Variants in FSTL5 observed in about 807,000 individuals in gnomAD.
FSTL5 encodes the protein follistatin like 5, also known as follistatin-related protein 5.
A neutral mutation model predicts 89.1 loss-of-function variants in FSTL5; 62 were observed. The ratio of observed to expected loss-of-function variants is 0.70; its 90% CI spans 0.57 to 0.86. FSTL5 has a LOEUF of 0.86. Among genes scored for constraint, FSTL5 ranks in the 40% least tolerant of loss-of-function variants. The pLI is 0.00. For missense variants in FSTL5, 1,057 were observed against 1,001.6 expected (o/e 1.06, Z -0.75); for synonymous variants, 383 against 346.2 (o/e 1.11, Z -1.18).
At chr4:161,991,490 T>A (rs1736110858) in intron 3 of FSTL5, among the ~76,000 whole-genome samples, 1 of 152,116 alleles carries the variant, frequency 6.6e-6, no homozygotes, top group Non-Finnish European at 1.5e-5. Flanking sequence ...CATTTGAAAA[T>A]GTGCATTAAA....
At chr4:161,672,693 T>G (rs1737157085) in intron 6 of FSTL5, among the ~76,000 whole-genome samples, 1 of 150,454 alleles carries the variant, frequency 6.6e-6, no homozygotes, top group African/African-American at 2.5e-5. Context: ...TCTCTCGATT[T>G]TATCTAAGAA....
At chr4:161,934,821 T>C (rs1322445604) in intron 3 of FSTL5, among the ~76,000 whole-genome samples, 1 of 152,084 alleles carries the variant, frequency 6.6e-6, no homozygotes, top group Admixed American at 6.6e-5. Context: ...TTAACATCAA[T>C]ATCATGCCCC....
chr4:161,605,447 T>C (rs1734405976), intron 7 of FSTL5, among the ~76,000 whole-genome samples: 1 of 152,166 alleles, frequency 6.6e-6, no homozygotes, highest in Admixed American at 6.6e-5. Flanking sequence ...GAAGAGTATA[T>C]CTATTGTGGA....
At chr4:162,136,827 A>G (rs1332670215) in intron 1 of FSTL5, among the ~76,000 whole-genome samples, 1 of 152,040 alleles carries the variant, frequency 6.6e-6, no homozygotes, top group Non-Finnish European at 1.5e-5. Flanking sequence ...AAAAATCCTG[A>G]AACATTTCTC....
chr4:161,396,286 A>C (rs1730995948), intron 15 of FSTL5, among the ~76,000 whole-genome samples: 1 of 152,090 alleles, frequency 6.6e-6, no homozygotes, highest in East Asian at 1.9e-4. Context: ...ATTATAAAGC[A>C]GTAGACTAAA....
chr4:161,734,934 C>A (rs749582584), intron 6 of FSTL5, among the ~76,000 whole-genome samples: 2 of 152,044 alleles, frequency 1.3e-5, no homozygotes, highest in Non-Finnish European at 2.9e-5. Context: ...ACTCTGTGAA[C>A]CCCAGCCAGG....
At chr4:161,670,980 T>C (rs531873112) in intron 6 of FSTL5, among the ~76,000 whole-genome samples, 5 of 152,314 alleles carry the variant, frequency 3.3e-5, no homozygotes, top group African/African-American at 4.8e-5. Flanking sequence ...TTCTTTCTAA[T>C]GCACAGGTCA....
At chr4:162,020,672 T>A (rs1737051238) in intron 3 of FSTL5, among the ~76,000 whole-genome samples, 1 of 152,012 alleles carries the variant, frequency 6.6e-6, no homozygotes, top group African/African-American at 2.4e-5. Flanking sequence ...GTTCATCACA[T>A]GGCATAATTA....
intron 2 of FSTL5, among the ~76,000 whole-genome samples, chr4:162,072,197 T>G (rs932659315): frequency 6.6e-6 from 1 of 151,796 alleles, no homozygotes; most frequent in Non-Finnish European, 1.5e-5. Flanking sequence ...ATGTACAAAA[T>G]AATACACAGT....
At position 161,707,976 on chromosome 4, in the gene FSTL5, T is replaced by C. The variant is rs570296466; in HGVS notation, c.727+51435A>G. ...CCACATTTTATAAAGGCATTGCTTATCAGTTATAGACATTGAATGACTGCC... is the reference window on the plus strand; with the variant it reads ...CCACATTTTATAAAGGCATTGCTTACCAGTTATAGACATTGAATGACTGCC... On this transcript the variant is annotated intron_variant, in intron 6 of 15. Coordinates refer to ENST00000306100, the MANE Select transcript of FSTL5 (RefSeq NM_020116.5). 2.0e-5 allele frequency among the ~76,000 whole-genome samples: 3 copies of C among 151,730 alleles called. 1 individual carries two copies. The highest frequency in any genetic ancestry group is 7.3e-5 in the African/African-American group (3 of 41,194).
chr4:162,128,536 G>A (rs1732172698), intron 1 of FSTL5, among the ~76,000 whole-genome samples: 1 of 152,084 alleles, frequency 6.6e-6, no homozygotes, highest in Non-Finnish European at 1.5e-5. Context: ...CCAGACAACA[G>A]ATCTGCATTA....
intron 6 of FSTL5, among the ~76,000 whole-genome samples, chr4:161,747,977 T>C (rs1216797575): frequency 6.6e-6 from 1 of 152,122 alleles, no homozygotes. Flanking sequence ...TAGATGGTGC[T>C]AACACTATAT....
chr4:161,917,207 C>T lies in FSTL5; in HGVS notation c.409+3197G>A, dbSNP rs555469741. ...TCCTGGCCTCGTGATCCACCCGCCT[C>T]GGCCTCCCAAAGTCCTGGGATTGCA... On this transcript the variant is annotated intron_variant, in intron 4 of 15. Transcript: ENST00000306100. Among the ~76,000 whole-genome samples the T allele has an allele frequency of 1.1e-4, 17 of 152,240 alleles. No individual in the cohort carries two copies. In the South Asian group the frequency reaches 3.5e-3, roughly 32 times the overall value.
intron 4 of FSTL5, among the ~76,000 whole-genome samples, chr4:161,830,803 A>C (rs2126860819): frequency 6.6e-6 from 1 of 152,130 alleles, no homozygotes; most frequent in South Asian, 2.1e-4. Context: ...ATAGAGAAGT[A>C]AACCAGCATT....
rs533531338 is a variant in FSTL5, at chr4:161,658,939, T to C, written c.728-2445A>G. 2.6e-5 allele frequency among the ~76,000 whole-genome samples: 4 copies of C among 152,320 alleles called. No homozygotes were observed. In the East Asian group the frequency reaches 7.7e-4, roughly 29 times the overall value. ...TGCTACTAAGTTACCCTGGAATCTCTTCACTAACCCTTCCGCATCTGTTAT... is the reference window on the plus strand; with the variant it reads ...TGCTACTAAGTTACCCTGGAATCTCCTCACTAACCCTTCCGCATCTGTTAT... On this transcript the variant is annotated intron_variant, in intron 6 of 15. Transcript: ENST00000306100.
intron 3 of FSTL5, among the ~76,000 whole-genome samples, chr4:161,943,131 C>T (rs1401852614): frequency 3.3e-5 from 5 of 151,908 alleles, no homozygotes; most frequent in African/African-American, 1.2e-4. Flanking sequence ...TGAGAAGGTA[C>T]AAGTCCTGTA....
At chr4:162,143,422 G>T (rs1425983835) in intron 1 of FSTL5, among the ~76,000 whole-genome samples, 1 of 152,018 alleles carries the variant, frequency 6.6e-6, no homozygotes, top group Non-Finnish European at 1.5e-5. Flanking sequence ...ATTTAAAGCT[G>T]AGAGCAAATG....
chr4:161,427,068 T>G (rs547294478), intron 15 of FSTL5, among the ~76,000 whole-genome samples: 1 of 152,332 alleles, frequency 6.6e-6, no homozygotes, highest in Non-Finnish European at 1.5e-5. Flanking sequence ...TAGCTAGAGT[T>G]AGAGAACTTC....
At chr4:161,841,373 A>G (rs1275946867) in intron 4 of FSTL5, among the ~76,000 whole-genome samples, 1 of 152,240 alleles carries the variant, frequency 6.6e-6, no homozygotes, top group Non-Finnish European at 1.5e-5. Context: ...GTAGATCCAC[A>G]GGAAATATAG....
Sources: gnomAD v4.1 joint callset for allele counts (sites outside exome capture counted in the v4.1 genomes callset) on GRCh38, gnomAD v4.1.1 for gene constraint, MANE v1.5 for transcripts, NCBI Gene and HGNC (gene_info 2026-07-23, HGNC 2026-07-21) for gene names.